The following CSMD2 variants were observed in gnomAD, a reference collection of about 807,000 sequenced individuals.
CSMD2 encodes the protein CUB and Sushi multiple domains 2, also known as CUB and sushi domain-containing protein 2.
In CSMD2, 130 loss-of-function variants were observed where a neutral mutation model predicts 398.5. That is an observed-to-expected ratio of 0.33 (90% confidence interval 0.28 to 0.38). The LOEUF (loss-of-function observed/expected upper bound fraction) is 0.38. CSMD2 is among the 10% of genes least tolerant of loss of function. The probability of loss-of-function intolerance (pLI) is 1.00; values close to 1 mark genes in which losing one functional copy is unlikely to be tolerated. For missense variants in CSMD2, 3,829 were observed against 4,764.9 expected (o/e 0.80, Z 5.78); for synonymous variants, 1,828 against 1,908.5 (o/e 0.96, Z 1.10).
At chr1:33,802,367 T>C (rs1212819298) in intron 10 of CSMD2, among the ~76,000 whole-genome samples, 2 of 152,212 alleles carry the variant, frequency 1.3e-5, no homozygotes, top group African/African-American at 4.8e-5. Flanking sequence ...CCAATAAGAC[T>C]GTAAGTTCTT....
chr1:33,864,757 T>A (rs1328144722), intron 5 of CSMD2: 1 of 1,591,136 alleles, frequency 6.3e-7, no homozygotes, highest in East Asian at 2.2e-5. Flanking sequence ...AGCTGATGGA[T>A]CCAGTTTGAA....
At chr1:34,007,152 C>T (rs560899831) in intron 3 of CSMD2, among the ~76,000 whole-genome samples, 2 of 152,078 alleles carry the variant, frequency 1.3e-5, no homozygotes, top group African/African-American at 2.4e-5. Flanking sequence ...TGGCCCGCCT[C>T]GACCTGAAGC....
At chr1:33,901,700 A>T (rs1479916770) in intron 5 of CSMD2, among the ~76,000 whole-genome samples, 2 of 152,214 alleles carry the variant, frequency 1.3e-5, no homozygotes, top group Admixed American at 1.3e-4. Context: ...TCAGCATTGT[A>T]ATCACAAAGC....
At chr1:33,530,243 A>C (rs1178879631) in intron 64 of CSMD2, among the ~76,000 whole-genome samples, 3 of 152,206 alleles carry the variant, frequency 2.0e-5, no homozygotes, top group African/African-American at 7.2e-5. Context: ...AAACAACTCG[A>C]TAGCAAGAAA....
In CSMD2 at chr1:33,636,988, A is replaced by AC. The variant is rs1172893696; in HGVS notation, c.4775-435dup. The stretch of plus-strand genomic sequence containing the variant: ...CAGCCCATCACTTTACTCATCTTTG[A>AC]CCCCCCACACTCAGCAGCCTCCTGG... On this transcript the variant is annotated intron_variant, in intron 29 of 70. Transcript: ENST00000373381. The surrounding 1 kb of genome is among the most constrained non-coding windows in gnomAD (Gnocchi z 4.8). Among the ~76,000 whole-genome samples the AC allele has an allele frequency of 4.0e-5, 6 of 151,050 alleles. No homozygotes were observed. Among genetic ancestry groups the AC allele is most frequent in the Non-Finnish European group, 8.9e-5 (6 of 67,786 alleles).
chr1:33,804,611 G>C (rs1656010267), intron 10 of CSMD2: 1 of 691,106 alleles, frequency 1.4e-6, no homozygotes, highest in Admixed American at 2.0e-5. Flanking sequence ...CAAGGGCAGA[G>C]GCCATATCTA....
At chr1:34,086,808 C>T (rs1206019116) in intron 2 of CSMD2, among the ~76,000 whole-genome samples, 1 of 152,128 alleles carries the variant, frequency 6.6e-6, no homozygotes, top group Non-Finnish European at 1.5e-5. Flanking sequence ...CCAAGGGTTT[C>T]CTGTGCCTCA....
intron 1 of CSMD2, among the ~76,000 whole-genome samples, chr1:34,099,054 A>T (rs748479284): frequency 6.6e-6 from 1 of 152,208 alleles, no homozygotes; most frequent in African/African-American, 2.4e-5. Flanking sequence ...TTCACAAAAG[A>T]AGACATAAAT....
At chr1:33,977,007 C>T (rs1645990228) in intron 3 of CSMD2, among the ~76,000 whole-genome samples, 2 of 151,746 alleles carry the variant, frequency 1.3e-5, no homozygotes, top group Non-Finnish European at 2.9e-5. Flanking sequence ...AATTAATTCA[C>T]AGCACAGGCT....
At chr1:34,008,729 A>G (rs1382430527) in intron 3 of CSMD2, among the ~76,000 whole-genome samples, 3 of 152,126 alleles carry the variant, frequency 2.0e-5, no homozygotes, top group Non-Finnish European at 2.9e-5. Flanking sequence ...ATAGCTTTGT[A>G]TTTATCTGTG....
Position 33,725,302 on chromosome 1 carries a change from C to T in CSMD2, c.2695+47G>A, listed in dbSNP as rs12046855. The T allele has an allele frequency of 9.6e-6, 15 of 1,560,546 alleles. No individual in the cohort carries two copies. In the South Asian group the frequency reaches 1.7e-4, roughly 17 times the overall value. On this transcript the variant is annotated intron_variant, in intron 17 of 70. Transcript: ENST00000373381. ...GCACAGTCCTGAGGCCTTTGACCCA[C>T]CTGGGCTGACCTTGTCATCCCTTTT...
At chr1:34,087,615 A>G (rs1277734517) in intron 2 of CSMD2, among the ~76,000 whole-genome samples, 1 of 39,676 alleles carries the variant, frequency 2.5e-5, no homozygotes. Context: ...CTTAAAGTAT[A>G]ATAATAATAA....
At chr1:33,535,791 T>C (rs1399065562) in intron 62 of CSMD2, among the ~76,000 whole-genome samples, 1 of 152,188 alleles carries the variant, frequency 6.6e-6, no homozygotes, top group Non-Finnish European at 1.5e-5. Flanking sequence ...GCACCAGCCC[T>C]TCGTTCAGCC....
rs1051057189 is a variant in CSMD2 at position 33,624,852 on chromosome 1, C to G, written c.5500+199G>C. Among the ~76,000 whole-genome samples the G allele has an allele frequency of 3.3e-5, 5 of 152,182 alleles. No individual in the cohort carries two copies. Among genetic ancestry groups the G allele is most frequent in the African/African-American group, 1.2e-4 (5 of 41,448 alleles). On this transcript the variant is annotated intron_variant, in intron 34 of 70. Transcript: ENST00000373381. This position sits in a 1 kb window ranked among gnomAD's most constrained non-coding sequence, Gnocchi z 4.7. ...CCCAGCTCCTCTCTCCACGTGTGCC[C>G]CGTCCCCAGTACACCGGCTGTCTTC... is the stretch of plus-strand genomic sequence containing the variant.
chr1:33,853,819 A>C (rs1338728189), intron 5 of CSMD2, among the ~76,000 whole-genome samples: 2 of 152,224 alleles, frequency 1.3e-5, no homozygotes, highest in Non-Finnish European at 2.9e-5. Flanking sequence ...TGAATGAATA[A>C]ATGAACAAAC....
chr1:33,940,976 C>T (rs886448572), intron 3 of CSMD2, among the ~76,000 whole-genome samples: 2 of 152,086 alleles, frequency 1.3e-5, no homozygotes, highest in African/African-American at 2.4e-5. Context: ...TTCTAAGGCA[C>T]CGTGTTCTTT....
intron 13 of CSMD2, among the ~76,000 whole-genome samples, chr1:33,769,642 G>T (rs1651002688): frequency 6.6e-6 from 1 of 152,152 alleles, no homozygotes; most frequent in South Asian, 2.1e-4. Flanking sequence ...GGAACATGAA[G>T]GAAGAGTGTA....
intron 5 of CSMD2, among the ~76,000 whole-genome samples, chr1:33,877,955 T>A (rs1640955087): frequency 1.3e-5 from 2 of 151,972 alleles, no homozygotes; most frequent in Non-Finnish European, 2.9e-5. Flanking sequence ...GACTGATGAG[T>A]GGAGCCAATC....
chr1:33,818,290 G>C (rs1309429355), intron 9 of CSMD2, among the ~76,000 whole-genome samples: 1 of 152,128 alleles, frequency 6.6e-6, no homozygotes, highest in Admixed American at 6.6e-5. Context: ...CATTCATTCC[G>C]TCATCCATTC....
Sources: allele counts gnomAD v4.1 joint callset (sites outside exome capture counted in the v4.1 genomes callset), GRCh38; gene constraint gnomAD v4.1.1; non-coding constraint Gnocchi (gnomAD v3.1); transcripts MANE v1.5; gene names NCBI Gene and HGNC (gene_info 2026-07-23, HGNC 2026-07-21).